The following KIFC3 variants were observed in gnomAD, a reference collection of about 807,000 sequenced individuals.
KIFC3 encodes the protein kinesin family member C3, also known as kinesin-like protein KIFC3.
A neutral mutation model predicts 101.8 loss-of-function variants in KIFC3; 60 were observed. That is an observed-to-expected ratio of 0.59 (90% CI 0.48 to 0.73). KIFC3 has a LOEUF of 0.73. KIFC3 is among the 30% of genes least tolerant of loss of function. The pLI, the probability that KIFC3 is intolerant of heterozygous loss-of-function variation, is 0.00. For missense variants in KIFC3, 966 were observed against 1,137.1 expected (o/e 0.85, Z 2.16); for synonymous variants, 476 against 482.7 (o/e 0.99, Z 0.18).
At chr16:57,800,891 G>A (rs2054680950) in intron 1 of KIFC3, among the ~76,000 whole-genome samples, 1 of 152,120 alleles carries the variant, frequency 6.6e-6, no homozygotes, top group Non-Finnish European at 1.5e-5. Flanking sequence ...CCTAGGATTC[G>A]TGGGGGAGGG....
chr16:57,768,932 C>G (rs2050821765), intron 9 of KIFC3, among the ~76,000 whole-genome samples: 1 of 152,162 alleles, frequency 6.6e-6, no homozygotes, highest in Non-Finnish European at 1.5e-5. Context: ...TGCGGGAGGC[C>G]AAGGCAGGAG....
intron 1 of KIFC3, among the ~76,000 whole-genome samples, chr16:57,841,764 C>T (rs1314455011): frequency 6.6e-6 from 1 of 152,168 alleles, no homozygotes; most frequent in Non-Finnish European, 1.5e-5. Context: ...CTCAAATGCG[C>T]GTTGCCCTCA....
chr16:57,816,601 G>A (rs1453999102), intron 1 of KIFC3: 1 of 456,598 alleles, frequency 2.2e-6, no homozygotes, highest in Non-Finnish European at 4.4e-6. Context: ...ACAGGTTCCT[G>A]AGGCATCTGC....
rs558455499 is a variant in KIFC3, at chr16:57,783,929, C to A, written c.315+11070G>T. ...CTGGACCCCCTGCAACCCCCCAAGG[C>A]GCTTGAGCCACACCTCTCCTACCAC... On this transcript the variant is annotated intron_variant, in intron 3 of 19. Coordinates refer to ENST00000445690, the MANE Select transcript of KIFC3 (RefSeq NM_001130100.2). Among the ~76,000 whole-genome samples the A allele has an allele frequency of 3.9e-5, 6 of 152,328 alleles. No individual in the cohort carries two copies. In the East Asian group the frequency reaches 1.2e-3, roughly 29 times the overall value.
At chr16:57,817,998 C>T (rs1265948461) in intron 1 of KIFC3, among the ~76,000 whole-genome samples, 7 of 151,920 alleles carry the variant, frequency 4.6e-5, no homozygotes, top group Non-Finnish European at 7.4e-5. Flanking sequence ...TGGCCATTGT[C>T]ACATTTTCTT....
rs200456124 is a variant in KIFC3 at position 57,758,833 on chromosome 16, C to G, written c.*101G>C. 1,094 of 1,606,512 alleles carry G rather than the reference C, an allele frequency of 6.8e-4. No individual in the cohort carries two copies. The highest frequency in any genetic ancestry group is 8.8e-4 in the Non-Finnish European group (1,030 of 1,175,924). ...ACCTCCGGGGGTCCTGGCGCTGCAG[C>G]AGGGACAGGCCAGTGAGGGCCCAGC... is the stretch of plus-strand genomic sequence containing the variant. On this transcript the variant is annotated 3_prime_UTR_variant, in exon 20 of 20. Transcript: ENST00000445690.
chr16:57,800,975 C>T (rs1476560228), intron 1 of KIFC3, among the ~76,000 whole-genome samples: 7 of 152,148 alleles, frequency 4.6e-5, no homozygotes, highest in African/African-American at 1.2e-4. Context: ...TTTGCCTCTC[C>T]GTACTTCATT....
intron 3 of KIFC3, among the ~76,000 whole-genome samples, chr16:57,778,520 C>T (rs976898060): frequency 9.2e-5 from 14 of 152,108 alleles, no homozygotes; most frequent in Admixed American, 2.6e-4. Context: ...GGAAAATACT[C>T]GCAAATCATT....
At chr16:57,798,648 T>G in intron 1 of KIFC3, 1 of 311,924 alleles carries the variant, frequency 3.2e-6, no homozygotes. Flanking sequence ...TCTAATCCTT[T>G]TCCTCCAAGA....
chr16:57,759,069 G>A, intron 19 of KIFC3, 56 bp downstream of exon 19: 1 of 1,544,524 alleles, frequency 6.5e-7, no homozygotes, highest in Non-Finnish European at 8.8e-7. Context: ...GCGCAGCCCT[G>A]CAACCCACTG....
At chr16:57,856,464 AAAGGAAGGAAGG>A (rs768384775) in intron 1 of KIFC3, among the ~76,000 whole-genome samples, 2 of 143,472 alleles carry the variant, frequency 1.4e-5, no homozygotes, top group African/African-American at 5.1e-5. Flanking sequence ...CTAAAAAAAG[AAAGGAAGGAAGG>A]AAGGAAAGAA....
chr16:57,761,441 TG>T lies in KIFC3; in HGVS notation c.1843del (p.Gln615LysfsTer26). 1 of 1,614,036 alleles carries T rather than the reference TG, an allele frequency of 6.2e-7. No individual in the cohort carries two copies. The highest frequency in any genetic ancestry group is 8.5e-7 in the Non-Finnish European group (1 of 1,179,930). Reference sequence around the variant, plus strand: ...GTTGATGTCGTCCACGCTCTGCACTTGGAACTCAGTCAGCCCTGGTACATAC... The same window carrying T: ...GTTGATGTCGTCCACGCTCTGCACTTGAACTCAGTCAGCCCTGGTACATAC... ...QLYVPGLTEF[Q>X]VQSVDDINKV... is the part of the protein sequence containing the mutation. On this transcript the variant is annotated frameshift_variant, in exon 14 of 20. Transcript: ENST00000445690. LOFTEE classifies it high-confidence loss of function.
chr16:57,814,771 A>G (rs2055181636), intron 1 of KIFC3, among the ~76,000 whole-genome samples: 1 of 152,076 alleles, frequency 6.6e-6, no homozygotes, highest in Admixed American at 6.6e-5. Flanking sequence ...GACTACAGGC[A>G]TGCACCAACA....
intron 14 of KIFC3, 105 bp from the exon 15 acceptor site, chr16:57,761,276 G>A: frequency 1.3e-6 from 2 of 1,580,368 alleles, no homozygotes; most frequent in South Asian, 2.3e-5. Flanking sequence ...CCGCAGTTTA[G>A]ATGAGGAAAC....
At chr16:57,837,716 C>T (rs1407292447) in intron 1 of KIFC3, among the ~76,000 whole-genome samples, 6 of 152,088 alleles carry the variant, frequency 3.9e-5, no homozygotes, top group African/African-American at 1.4e-4. Context: ...GTGTCTGTTT[C>T]CCCCATTAGT....
chr16:57,781,072 C>T (rs1189417638), intron 3 of KIFC3, among the ~76,000 whole-genome samples: 3 of 152,108 alleles, frequency 2.0e-5, no homozygotes, highest in Admixed American at 1.3e-4. Context: ...AATCCCAGCA[C>T]TTTGGGAGGC....
intron 12 of KIFC3, among the ~76,000 whole-genome samples, chr16:57,763,715 C>T (rs1421961679): frequency 6.6e-6 from 1 of 152,160 alleles, no homozygotes; most frequent in African/African-American, 2.4e-5. Context: ...CCTTCATATG[C>T]CAGTCTTGCC....
intron 1 of KIFC3, among the ~76,000 whole-genome samples, chr16:57,851,113 G>A (rs1241946535): frequency 6.6e-6 from 1 of 151,834 alleles, no homozygotes; most frequent in Admixed American, 6.6e-5. Flanking sequence ...TAGGCTCCAG[G>A]CATCCTCCCA....
chr16:57,799,660 C>T (rs1236181097), intron 1 of KIFC3, among the ~76,000 whole-genome samples: 5 of 152,148 alleles, frequency 3.3e-5, no homozygotes, highest in African/African-American at 1.2e-4. Context: ...CTAAACAGGG[C>T]CACCAACGCC....
Sources: gnomAD v4.1 joint callset for allele counts (sites outside exome capture counted in the v4.1 genomes callset) on GRCh38, gnomAD v4.1.1 for gene constraint, MANE v1.5 for transcripts, NCBI Gene and HGNC (gene_info 2026-07-23, HGNC 2026-07-21) for gene names.